Variants in CCDC150 observed in about 807,000 individuals in gnomAD.
CCDC150 encodes the protein coiled-coil domain-containing protein 150.
A neutral mutation model predicts 156.5 loss-of-function variants in CCDC150; 151 were observed. The observed-to-expected ratio is 0.97, with a 90% CI of 0.85 to 1.10. The LOEUF is 1.10. CCDC150 is among the 50% of genes least tolerant of loss of function. The pLI, the probability that CCDC150 is intolerant of heterozygous loss-of-function variation, is 0.00. For missense variants in CCDC150, 1,312 were observed against 1,268.1 expected, an observed-to-expected ratio of 1.03 and a Z score of -0.53; for synonymous variants, 452 against 429.4, an observed-to-expected ratio of 1.05 and a Z score of -0.65.
intron 2 of CCDC150, among the ~76,000 whole-genome samples, chr2:196,654,026 G>C (rs867536227): frequency 2.1e-4 from 32 of 152,112 alleles, no homozygotes; most frequent in African/African-American, 6.3e-4. Flanking sequence ...GAGATGCCAG[G>C]CTCCTTTAGA....
intron 16 of CCDC150, 43 bp downstream of exon 16, chr2:196,712,295 T>C (rs1423698478): frequency 9.0e-7 from 1 of 1,108,488 alleles, no homozygotes; most frequent in African/African-American, 1.6e-5. Context: ...CTATATTTCG[T>C]TTTTAAGAAA....
chr2:196,678,857 C>A (rs1694656243), intron 13 of CCDC150, among the ~76,000 whole-genome samples: 1 of 152,164 alleles, frequency 6.6e-6, no homozygotes, highest in South Asian at 2.1e-4. Flanking sequence ...CAAGATTGCA[C>A]CACTGCATTT....
intron 9 of CCDC150, 127 bp downstream of exon 9, chr2:196,672,564 A>C (rs1475686500): frequency 2.0e-6 from 1 of 494,330 alleles, no homozygotes; most frequent in Non-Finnish European, 3.6e-6. Flanking sequence ...TTTCATTTCC[A>C]TAAGATTTAT....
At chr2:196,662,114 A>G (rs777994585) in intron 5 of CCDC150, among the ~76,000 whole-genome samples, 1 of 152,228 alleles carries the variant, frequency 6.6e-6, no homozygotes, top group Non-Finnish European at 1.5e-5. Context: ...AAGCTACTCT[A>G]TATGATAAAG....
At chr2:196,698,516 TA>T (rs950884023) in intron 14 of CCDC150, among the ~76,000 whole-genome samples, 5 of 151,988 alleles carry the variant, frequency 3.3e-5, no homozygotes, top group East Asian at 3.8e-4. Context: ...AGTTATTCTT[TA>T]AAAAAAACTT....
intron 1 of CCDC150, among the ~76,000 whole-genome samples, chr2:196,645,502 T>TA (rs1692485656): frequency 1.3e-5 from 2 of 152,198 alleles, no homozygotes; most frequent in Admixed American, 1.3e-4. Flanking sequence ...GCATGATTAG[T>TA]AGAGAAATGT....
chr2:196,704,148 G>C (rs1282882051), intron 15 of CCDC150, among the ~76,000 whole-genome samples: 1 of 152,192 alleles, frequency 6.6e-6, no homozygotes, highest in East Asian at 1.9e-4. Context: ...CATATGAATT[G>C]TATTTGGTAA....
chr2:196,675,335 A>G (rs1694427342), intron 10 of CCDC150, among the ~76,000 whole-genome samples: 1 of 152,172 alleles, frequency 6.6e-6, no homozygotes, highest in East Asian at 1.9e-4. Context: ...TCATGGACTT[A>G]TAATTCAGTG....
chr2:196,686,734 T>C (rs543185805), intron 13 of CCDC150, among the ~76,000 whole-genome samples: 1 of 152,188 alleles, frequency 6.6e-6, no homozygotes, highest in African/African-American at 2.4e-5. Context: ...CACCCAGATA[T>C]TATTATTTTT....
chr2:196,705,437 C>G (rs1696553720), intron 15 of CCDC150, among the ~76,000 whole-genome samples: 1 of 152,204 alleles, frequency 6.6e-6, no homozygotes, highest in African/African-American at 2.4e-5. Context: ...TTTGTAGATT[C>G]AGGATATTAG....
chr2:196,644,109 T>C (rs1692395331), intron 1 of CCDC150, among the ~76,000 whole-genome samples: 1 of 152,082 alleles, frequency 6.6e-6, no homozygotes, highest in African/African-American at 2.4e-5. Context: ...CTTTTTTTAA[T>C]CTAGAAAAAC....
Position 196,656,799 on chromosome 2 carries a change from A to G in CCDC150, c.343A>G (p.Lys115Glu). 1 of 1,613,956 alleles carries G rather than the reference A, an allele frequency of 6.2e-7. No individual in the cohort carries two copies. The highest frequency in any genetic ancestry group is 8.5e-7 in the Non-Finnish European group (1 of 1,179,846). ...CRLESLMQSL[K>E]MNIFRLQTEK... ...TCTTGAAAGCCTCATGCAGTCCTTGAAGATGAACATCTTTCGGCTGCAAAC... is the reference window on the plus strand; with the variant it reads ...TCTTGAAAGCCTCATGCAGTCCTTGGAGATGAACATCTTTCGGCTGCAAAC... Residue 115 changes from lysine (K) to glutamate (E), a missense_variant, in exon 3 of 28, where the codon AAG becomes GAG. Physicochemically the swap from Lys to Glu is moderately conservative, Grantham distance 56 (BLOSUM62 1). Transcript: ENST00000389175.
chr2:196,704,736 T>G (rs920559919), intron 15 of CCDC150, among the ~76,000 whole-genome samples: 6 of 152,154 alleles, frequency 3.9e-5, no homozygotes, highest in Non-Finnish European at 5.9e-5. Flanking sequence ...GGGTGTGATG[T>G]TCCCTGCCCT....
intron 20 of CCDC150, 80 bp from the exon 21 acceptor site, chr2:196,721,442 T>G: frequency 9.5e-7 from 1 of 1,056,788 alleles, no homozygotes; most frequent in East Asian, 2.9e-5. Context: ...TGATAGAATG[T>G]GAGGAGTGAT....
Position 196,718,621 on chromosome 2 carries a change from A to G in CCDC150, c.1985A>G (p.Glu662Gly). The G allele has an allele frequency of 6.2e-7, 1 of 1,613,386 alleles. No individual in the cohort carries two copies. Among genetic ancestry groups the G allele is most frequent in the Non-Finnish European group, 8.5e-7 (1 of 1,179,486 alleles). The change falls in exon 18 of 28, where the codon GAA (glutamate) becomes GGA (glycine). Residue 662 changes from glutamate (E) to glycine (G), a missense_variant. Transcript: ENST00000389175. ...KEDLEAVEDR[E>G]NKKVGNFQRQ... Reference sequence around the variant, plus strand: ...GACCTCGAGGCTGTGGAGGACAGGGAAAACAAGAAGGCAAGGAATCAGTCC... The same window carrying G: ...GACCTCGAGGCTGTGGAGGACAGGGGAAACAAGAAGGCAAGGAATCAGTCC...
chr2:196,661,816 A>G (rs1693577670), intron 5 of CCDC150, among the ~76,000 whole-genome samples: 1 of 152,258 alleles, frequency 6.6e-6, no homozygotes, highest in Non-Finnish European at 1.5e-5. Context: ...GGCACATTGT[A>G]GGTATATCAC....
intron 15 of CCDC150, among the ~76,000 whole-genome samples, chr2:196,701,825 C>A (rs984365251): frequency 6.6e-6 from 1 of 152,054 alleles, no homozygotes; most frequent in Non-Finnish European, 1.5e-5. Flanking sequence ...TGGATAGATA[C>A]GTGATAAGCA....
At chr2:196,693,000 G>A (rs1409886249) in intron 13 of CCDC150, among the ~76,000 whole-genome samples, 2 of 152,184 alleles carry the variant, frequency 1.3e-5, no homozygotes, top group African/African-American at 4.8e-5. Flanking sequence ...GGGTGCTCCT[G>A]TGTTGGATGC....
intron 14 of CCDC150, among the ~76,000 whole-genome samples, chr2:196,696,686 G>A (rs768670454): frequency 2.6e-5 from 4 of 152,146 alleles, no homozygotes; most frequent in Middle Eastern, 3.2e-3. Context: ...GAAATGCTTC[G>A]GTTGGCTATA....
Sources: gnomAD v4.1 joint callset for allele counts (sites outside exome capture counted in the v4.1 genomes callset) on GRCh38, gnomAD v4.1.1 for gene constraint, MANE v1.5 for transcripts, NCBI Gene and HGNC (gene_info 2026-07-23, HGNC 2026-07-21) for gene names.